Variants in RUNDC3B observed in about 807,000 individuals in gnomAD.
RUNDC3B encodes RUN domain containing 3B.
In RUNDC3B, 33 loss-of-function variants were observed where a neutral mutation model predicts 58.4. The observed-to-expected ratio is 0.56, with a 90% CI of 0.43 to 0.75. The LOEUF (loss-of-function observed/expected upper bound fraction) is 0.75. Ranked by LOEUF, RUNDC3B falls within the 30% of genes least tolerant of loss-of-function variation. RUNDC3B has a pLI of 0.00. For missense variants in RUNDC3B, 501 were observed against 535.7 expected (o/e 0.94, Z 0.64); for synonymous variants, 193 against 195.2 (o/e 0.99, Z 0.10).
At chr7:87,737,232 C>T (rs1223918858) in intron 4 of RUNDC3B, among the ~76,000 whole-genome samples, 1 of 151,700 alleles carries the variant, frequency 6.6e-6, no homozygotes, top group Non-Finnish European at 1.5e-5. Flanking sequence ...ATATTTTTAA[C>T]TGAAAAAAGG....
chr7:87,826,474 T>C (rs1294007229), intron 10 of RUNDC3B, among the ~76,000 whole-genome samples: 1 of 151,128 alleles, frequency 6.6e-6, no homozygotes, highest in African/African-American at 2.4e-5. Flanking sequence ...AATGGACTAA[T>C]ACAAGGTATC....
chr7:87,696,990 A>T (rs1828547794), intron 2 of RUNDC3B, among the ~76,000 whole-genome samples: 1 of 152,148 alleles, frequency 6.6e-6, no homozygotes, highest in African/African-American at 2.4e-5. Context: ...AGGGCTTTTT[A>T]AATACTCTTT....
chr7:87,703,523 C>A lies in RUNDC3B; in HGVS notation c.372+2969C>A, dbSNP rs60723608. On this transcript the variant is annotated intron_variant, in intron 3 of 10. Coordinates refer to ENST00000394654, the MANE Select transcript of RUNDC3B (RefSeq NM_001134405.2). ...TTGTTAAAGCCACTGCTCCCTCCTG[C>A]CAATCTTCAACCAAGGGGTTGTAGC... Among the ~76,000 whole-genome samples the A allele has an allele frequency of 5.5e-3, 830 of 152,256 alleles. 6 individuals carry two copies. Among genetic ancestry groups the A allele is most frequent in the African/African-American group, 0.019 (802 of 41,554 alleles).
chr7:87,647,840 T>A (rs920022711), intron 1 of RUNDC3B, among the ~76,000 whole-genome samples: 1 of 151,910 alleles, frequency 6.6e-6, no homozygotes, highest in Non-Finnish European at 1.5e-5. Flanking sequence ...AAATGGATAA[T>A]CAAAAAGAGT....
chr7:87,787,097 A>T (rs146307200), intron 8 of RUNDC3B, among the ~76,000 whole-genome samples: 176 of 152,296 alleles, frequency 1.2e-3, no homozygotes, highest in Non-Finnish European at 1.8e-3. Flanking sequence ...TACAAAAACC[A>T]CTTTCAAGGA....
intron 4 of RUNDC3B, among the ~76,000 whole-genome samples, chr7:87,730,321 TG>T (rs2130792324): frequency 1.3e-5 from 2 of 152,234 alleles, no homozygotes; most frequent in East Asian, 3.9e-4. Context: ...ACAGCATTTC[TG>T]GGCCTGCCCT....
intron 8 of RUNDC3B, among the ~76,000 whole-genome samples, chr7:87,797,518 A>AGT (rs757710035): frequency 3.9e-5 from 6 of 152,190 alleles, no homozygotes; most frequent in Non-Finnish European, 8.8e-5. Flanking sequence ...TCCTATGGAA[A>AGT]AGTTCCTGTC....
intron 2 of RUNDC3B, among the ~76,000 whole-genome samples, chr7:87,677,455 T>C (rs28381746): frequency 1.0e-3 from 156 of 151,932 alleles, no homozygotes; most frequent in African/African-American, 3.7e-3. Flanking sequence ...ATGTATTAGA[T>C]ATGGAGCCTA....
chr7:87,809,355 A>T (rs1836590644), intron 9 of RUNDC3B, among the ~76,000 whole-genome samples: 1 of 152,160 alleles, frequency 6.6e-6, no homozygotes, highest in Non-Finnish European at 1.5e-5. Flanking sequence ...ACAAAAAAGT[A>T]TGCAGCTAGG....
At chr7:87,703,885 CTTTTTTTTTTTTTTTTT>C in intron 3 of RUNDC3B, among the ~76,000 whole-genome samples, 2 of 60,282 alleles carry the variant, frequency 3.3e-5, no homozygotes, top group African/African-American at 6.3e-5. Context: ...TCAGTTTTTT[CTTTTTTTTTTTTTTTTT>C]TTTTTTTTTT....
chr7:87,681,591 T>C (rs1826934833), intron 2 of RUNDC3B, among the ~76,000 whole-genome samples: 2 of 150,776 alleles, frequency 1.3e-5, no homozygotes, highest in East Asian at 2.0e-4. Context: ...CTAAAAATGC[T>C]AACAATCATC....
At chr7:87,793,388 G>T (rs1040259932) in intron 8 of RUNDC3B, among the ~76,000 whole-genome samples, 7 of 151,982 alleles carry the variant, frequency 4.6e-5, no homozygotes, top group Non-Finnish European at 8.8e-5. Context: ...AAAACTACAG[G>T]CCAATGTCTC....
chr7:87,660,488 T>C (rs566285995), intron 2 of RUNDC3B, among the ~76,000 whole-genome samples: 9 of 152,230 alleles, frequency 5.9e-5, no homozygotes, highest in African/African-American at 2.2e-4. Context: ...AGATATAAAG[T>C]CTAAAACGTT....
intron 10 of RUNDC3B, 50 bp from the exon 11 acceptor site, chr7:87,829,835 A>G: frequency 3.0e-6 from 4 of 1,320,028 alleles, no homozygotes; most frequent in South Asian, 2.6e-5. Context: ...TCTTATTTGT[A>G]TCATTCTTGA....
intron 3 of RUNDC3B, among the ~76,000 whole-genome samples, chr7:87,703,680 AT>A (rs201768076): frequency 0.014 from 2,060 of 151,906 alleles, 49 homozygotes; most frequent in African/African-American, 0.047. Context: ...TTTTAATTAA[AT>A]TTTTCCCTCA....
chr7:87,766,142 T>C (rs1833966270), intron 6 of RUNDC3B, among the ~76,000 whole-genome samples: 1 of 152,172 alleles, frequency 6.6e-6, no homozygotes, highest in Admixed American at 6.6e-5. Flanking sequence ...TGTTGCATGA[T>C]ACATCTTTTT....
intron 2 of RUNDC3B, among the ~76,000 whole-genome samples, chr7:87,673,477 A>C (rs1826029340): frequency 6.6e-6 from 1 of 152,132 alleles, no homozygotes; most frequent in South Asian, 2.1e-4. Context: ...TCAAGCATTG[A>C]GATTCTTTCC....
In RUNDC3B at chr7:87,770,561, T is replaced by A. The variant is rs747402223; in HGVS notation, c.630-20T>A. ...TTGGAACATATTTTTAACTTTTTTT[T>A]AAAATTTTGATCTTCCCAGTTCTGA... On this transcript the variant is annotated intron_variant, in intron 6 of 10. Coordinates refer to ENST00000394654, the MANE Select transcript of RUNDC3B (RefSeq NM_001134405.2). 1.0e-4 allele frequency: 165 copies of A among 1,589,302 alleles called. No individual in the cohort carries two copies. In the Middle Eastern group the frequency reaches 1.2e-3, roughly 11 times the overall value.
At chr7:87,810,523 C>A (rs28535947) in intron 9 of RUNDC3B, among the ~76,000 whole-genome samples, 7,335 of 152,160 alleles carry the variant, frequency 0.048, 260 homozygotes, top group East Asian at 0.091. Flanking sequence ...AGGGGGACAG[C>A]CTTAGGCTAA....
Sources: gnomAD v4.1 joint callset for allele counts (sites outside exome capture counted in the v4.1 genomes callset) on GRCh38, gnomAD v4.1.1 for gene constraint, MANE v1.5 for transcripts, NCBI Gene and HGNC (gene_info 2026-07-23, HGNC 2026-07-21) for gene names.